The following DNAH17 variants were observed in gnomAD, a reference collection of about 807,000 sequenced individuals.
DNAH17 encodes the protein dynein axonemal heavy chain 17.
Under a neutral mutation model 485.6 loss-of-function variants are expected in DNAH17, and 376 were observed. That is an observed-to-expected ratio of 0.77 (90% CI 0.71 to 0.84). DNAH17 has a LOEUF of 0.84. Among genes scored for constraint, DNAH17 ranks in the 40% least tolerant of loss-of-function variants. The probability of loss-of-function intolerance (pLI) is 0.00; values close to 1 mark genes in which losing one functional copy is unlikely to be tolerated. For synonymous variants in DNAH17, 3,031 were observed against 2,405.9 expected (o/e 1.26, Z -7.60); for missense variants, 6,370 against 5,839.3 (o/e 1.09, Z -2.96).
Position 78,460,787 on chromosome 17 carries a change from G to C in DNAH17, c.9340-530C>G, listed in dbSNP as rs545964585. On this transcript the variant is annotated intron_variant, in intron 58 of 80. Coordinates refer to ENST00000389840, the MANE Select transcript of DNAH17 (RefSeq NM_173628.4). ...TGACTTTGCAGTCTTATTGTTTCTGGGGCTGTTTCATAATCCATCCAAAAT... is the reference window on the plus strand; with the variant it reads ...TGACTTTGCAGTCTTATTGTTTCTGCGGCTGTTTCATAATCCATCCAAAAT... Among the ~76,000 whole-genome samples, 3 of 152,190 alleles carry C rather than the reference G, an allele frequency of 2.0e-5. No individual in the cohort carries two copies. In the East Asian group the frequency reaches 5.8e-4, roughly 29 times the overall value.
intron 51 of DNAH17, 67 bp downstream of exon 51, chr17:78,478,958 G>A (rs1315499145): frequency 1.5e-6 from 2 of 1,372,944 alleles, no homozygotes; most frequent in East Asian, 2.3e-5. Flanking sequence ...GCTGTGATGA[G>A]GAAAGCACCT....
At chr17:78,450,182 ACAGGCCTGG>A in intron 68 of DNAH17, 63 bp downstream of exon 68, 19 of 1,542,966 alleles carry the variant, frequency 1.2e-5, no homozygotes, top group Non-Finnish European at 1.7e-5. Context: ...TGTGTGGGCA[ACAGGCCTGG>A]CTGTGGAGCC....
At chr17:78,549,617 G>A (rs2143543829) in intron 16 of DNAH17, among the ~76,000 whole-genome samples, 1 of 152,288 alleles carries the variant, frequency 6.6e-6, no homozygotes, top group East Asian at 1.9e-4. Flanking sequence ...AAAAACTTCT[G>A]GTGCAAACAA....
At chr17:78,520,091 G>A (rs1483999884) in intron 25 of DNAH17, among the ~76,000 whole-genome samples, 3 of 146,858 alleles carry the variant, frequency 2.0e-5, no homozygotes, top group East Asian at 2.0e-4. Context: ...AGGCCTGGGC[G>A]ATAGAACGAA....
At position 78,571,582 on chromosome 17, in the gene DNAH17, G is replaced by T; in HGVS notation, c.732+8C>A. 6.2e-7 allele frequency: 1 copy of T among 1,613,624 alleles called. No individual in the cohort carries two copies. The highest frequency in any genetic ancestry group is 1.7e-5 in the Admixed American group (1 of 60,026). ...GGCTGCAGCCCCACAGGAGAGAGGA[G>T]GCCGTACCTGTTCATGGATGCACTT... On this transcript the variant is annotated splice_region_variant and intron_variant, in intron 4 of 80. Coordinates refer to ENST00000389840, the MANE Select transcript of DNAH17 (RefSeq NM_173628.4).
At chr17:78,487,727 G>A (rs981189233) in intron 44 of DNAH17, among the ~76,000 whole-genome samples, 20 of 152,182 alleles carry the variant, frequency 1.3e-4, no homozygotes, top group Non-Finnish European at 2.5e-4. Context: ...GTTTCGCCAC[G>A]TTGGCCAGGC....
rs564392079 is a variant in DNAH17 at position 78,451,491 on chromosome 17, C to T, written c.10712G>A (p.Arg3571His). 5.6e-6 allele frequency: 9 copies of T among 1,611,968 alleles called. No individual in the cohort carries two copies. In the East Asian group the frequency reaches 6.7e-5, roughly 12 times the overall value. ...QLLAAVVAKE[R>H]PDLEQLKANL... ...TACCTTCAGCTGTTCCAGATCTGGGCGCTCTTTGGCCACCACAGCGGCCAA... is the reference window on the plus strand; with the variant it reads ...TACCTTCAGCTGTTCCAGATCTGGGTGCTCTTTGGCCACCACAGCGGCCAA... The change falls in exon 66 of 81, where the codon CGC becomes CAC. Residue 3571 changes from arginine (R) to histidine (H), a missense_variant. Coordinates refer to ENST00000389840, the MANE Select transcript of DNAH17 (RefSeq NM_173628.4).
At chr17:78,570,836 G>GA in intron 6 of DNAH17, 112 bp downstream of exon 6, 2 of 623,910 alleles carry the variant, frequency 3.2e-6, no homozygotes, top group Non-Finnish European at 4.8e-6. Context: ...CTAGCCTGGT[G>GA]ACAGAGCGAG....
intron 71 of DNAH17, among the ~76,000 whole-genome samples, chr17:78,442,878 G>A (rs925186800): frequency 1.4e-4 from 21 of 152,216 alleles, no homozygotes; most frequent in African/African-American, 5.1e-4. Context: ...GTCAGTGCTT[G>A]CAACAGTGCC....
chr17:78,491,915 C>T (rs547874131), intron 42 of DNAH17, among the ~76,000 whole-genome samples: 7 of 152,214 alleles, frequency 4.6e-5, no homozygotes, highest in South Asian at 2.1e-4. Flanking sequence ...TCCACTCACA[C>T]GCTCAGCAGA....
rs372183143 is a variant in DNAH17 at position 78,436,326 on chromosome 17, C to G, written c.12033+1315G>C. On this transcript the variant is annotated intron_variant, in intron 74 of 80. Transcript: ENST00000389840. ...GTCTGTAATCCCAGCTACTTGGGAG[C>G]CTGAGGCAGCAGAATCACTTGAACC... is the stretch of plus-strand genomic sequence containing the variant. 5.9e-5 allele frequency among the ~76,000 whole-genome samples: 9 copies of G among 152,074 alleles called. 1 individual carries two copies. The East Asian group carries it at 7.7e-4, about 13-fold the overall frequency.
At chr17:78,561,463 C>T (rs570447521) in intron 12 of DNAH17, among the ~76,000 whole-genome samples, 101 of 152,202 alleles carry the variant, frequency 6.6e-4, no homozygotes, top group Non-Finnish European at 8.1e-4. Context: ...CCTGTTCCTG[C>T]CTGGGTGGTC....
chr17:78,485,046 G>C lies in DNAH17; in HGVS notation c.7484-13C>G. 1 of 1,590,078 alleles carries C rather than the reference G, an allele frequency of 6.3e-7. No homozygotes were observed. Reference sequence around the variant, plus strand: ...TTCTCCAGCACCCCTAGAGAGGGCAGAGGGTCAGCTGCCCGCCTGCGCCTC... The same window carrying C: ...TTCTCCAGCACCCCTAGAGAGGGCACAGGGTCAGCTGCCCGCCTGCGCCTC... On this transcript the variant is annotated splice_polypyrimidine_tract_variant and intron_variant, in intron 47 of 80. Coordinates refer to ENST00000389840, the MANE Select transcript of DNAH17 (RefSeq NM_173628.4).
At position 78,445,666 on chromosome 17, in the gene DNAH17, C is replaced by T; in HGVS notation, c.11226G>A (p.Lys3742=). 1 of 1,585,312 alleles carries T rather than the reference C, an allele frequency of 6.3e-7. No homozygotes were observed. ...AQVTFQVLSM[K]KELNPVELDF... ...CCAGCTCCACTGGGTTCAGCTCCTT[C>T]TTCATGGACAGGACCTGGGGGAACA... Residue 3742 remains lysine (K), a synonymous_variant, in exon 70 of 81, where the codon AAG becomes AAA. Coordinates refer to ENST00000389840, the MANE Select transcript of DNAH17 (RefSeq NM_173628.4).
intron 72 of DNAH17, among the ~76,000 whole-genome samples, chr17:78,440,483 C>T (rs2087031800): frequency 6.6e-6 from 1 of 151,998 alleles, no homozygotes; most frequent in South Asian, 2.1e-4. Context: ...TGGTCTTGAA[C>T]TCCTGTGATC....
chr17:78,544,918 C>G (rs749560625), intron 16 of DNAH17, among the ~76,000 whole-genome samples: 9 of 149,244 alleles, frequency 6.0e-5, no homozygotes, highest in Non-Finnish European at 1.3e-4. Context: ...TAAAGTGATA[C>G]ATATATGGTA....
intron 15 of DNAH17, among the ~76,000 whole-genome samples, chr17:78,552,290 C>A (rs905957503): frequency 6.6e-6 from 1 of 152,176 alleles, no homozygotes; most frequent in Non-Finnish European, 1.5e-5. Flanking sequence ...GAAGGGAAGA[C>A]AGGGACTCGT....
chr17:78,554,336 C>G (rs570785243), intron 14 of DNAH17, among the ~76,000 whole-genome samples: 76 of 145,988 alleles, frequency 5.2e-4, no homozygotes, highest in African/African-American at 1.8e-3. Context: ...ACTTGGGAGG[C>G]CAAGGTGCGA....
At position 78,444,647 on chromosome 17, in the gene DNAH17, T is replaced by C; in HGVS notation, c.11485A>G (p.Met3829Val). Residue 3829 changes from methionine (M) to valine (V), a missense_variant, in exon 71 of 81, where the codon ATG becomes GTG. Transcript: ENST00000389840. Reference protein sequence around the residue: ...KNKTALQKLCMVRCLRPDRMT... With the variant: ...KNKTALQKLCVVRCLRPDRMT... ...CGATCTGGCCGCAGGCAGCGCACCATGCACAGCTTCTGCAGGGCCGTCTTG... is the reference window on the plus strand; with the variant it reads ...CGATCTGGCCGCAGGCAGCGCACCACGCACAGCTTCTGCAGGGCCGTCTTG... The C allele has an allele frequency of 1.9e-6, 3 of 1,603,534 alleles. No individual in the cohort carries two copies. Among genetic ancestry groups the C allele is most frequent in the East Asian group, 2.2e-5 (1 of 44,534 alleles).
Sources: allele counts gnomAD v4.1 joint callset (sites outside exome capture counted in the v4.1 genomes callset), GRCh38; gene constraint gnomAD v4.1.1; transcripts MANE v1.5; gene names NCBI Gene and HGNC (gene_info 2026-07-23, HGNC 2026-07-21).